The following GRIP2 variants were observed in gnomAD, a reference collection of about 807,000 sequenced individuals.
GRIP2 encodes the protein glutamate receptor interacting protein 2.
GRIP2 carries 58 observed loss-of-function variants against 108.3 expected under a neutral mutation model. That is an observed-to-expected ratio of 0.54 (90% CI 0.43 to 0.67). The LOEUF is 0.67. Among genes scored for constraint, GRIP2 ranks in the 30% least tolerant of loss-of-function variants. The probability of loss-of-function intolerance (pLI) is 0.00; values close to 1 mark genes in which losing one functional copy is unlikely to be tolerated. For missense variants in GRIP2, 1,278 were observed against 1,430.6 expected, an observed-to-expected ratio of 0.89 and a Z score of 1.72; for synonymous variants, 586 against 598.2, an observed-to-expected ratio of 0.98 and a Z score of 0.30.
At position 14,513,823 on chromosome 3, in the gene GRIP2, G is replaced by A; in HGVS notation, c.1494-13C>T. ...CAGCAGCCCACACCTGAACCCAGGGGGCCCGGCAGAGAGAAGAGGCTCCGT... is the reference window on the plus strand; with the variant it reads ...CAGCAGCCCACACCTGAACCCAGGGAGCCCGGCAGAGAGAAGAGGCTCCGT... On this transcript the variant is annotated splice_polypyrimidine_tract_variant and intron_variant, in intron 12 of 23. Transcript: ENST00000621039. 6.2e-7 allele frequency: 1 copy of A among 1,610,728 alleles called. No homozygotes were observed. The highest frequency in any genetic ancestry group is 8.5e-7 in the Non-Finnish European group (1 of 1,178,296).
intron 21 of GRIP2, among the ~76,000 whole-genome samples, chr3:14,497,210 A>G (rs1377095103): frequency 6.6e-6 from 1 of 152,018 alleles, no homozygotes; most frequent in Admixed American, 6.6e-5. Flanking sequence ...CACATGATCC[A>G]CCCACCTCAG....
chr3:14,526,169 G>C (rs896338025), intron 1 of GRIP2, among the ~76,000 whole-genome samples: 1 of 152,186 alleles, frequency 6.6e-6, no homozygotes, highest in African/African-American at 2.4e-5. Context: ...CATATTGGGA[G>C]CTTCACAGCC....
chr3:14,577,660 C>A, the GRIP2 span, among the ~76,000 whole-genome samples: 1 of 152,230 alleles, frequency 6.6e-6, no homozygotes, highest in Non-Finnish European at 1.5e-5. Context: ...GGTGTCCCAG[C>A]AGACATGGCC....
At position 14,506,961 on chromosome 3, in the gene GRIP2, C is replaced by T. The variant is rs553882994; in HGVS notation, c.2238G>A (p.Lys746=). ...CACTGGTCTCACTGAGGCTGCCCGACTTGCGGGGTAGGAGGGGACCTGGGA... is the reference window on the plus strand; with the variant it reads ...CACTGGTCTCACTGAGGCTGCCCGATTTGCGGGGTAGGAGGGGACCTGGGA... ...KQLDRPLLPR[K]SGSLSETSDA... is the part of the protein sequence containing the mutation. The change falls in exon 19 of 24, where the codon AAG becomes AAA. Residue 746 remains lysine (K), a synonymous_variant. Coordinates refer to ENST00000621039, the MANE Select transcript of GRIP2 (RefSeq NM_001080423.4). The T allele has an allele frequency of 1.8e-5, 29 of 1,605,434 alleles. 1 individual carries two copies. In the African/African-American group the frequency reaches 3.7e-4, roughly 21 times the overall value.
At chr3:14,496,642 G>C in intron 21 of GRIP2, 82 bp from the exon 22 acceptor site, 2 of 1,503,556 alleles carry the variant, frequency 1.3e-6, no homozygotes. Context: ...ACTACTATGT[G>C]CCAGCCACAA....
chr3:14,578,087 T>C, the GRIP2 span, among the ~76,000 whole-genome samples: 1 of 152,216 alleles, frequency 6.6e-6, no homozygotes, highest in African/African-American at 2.4e-5. Flanking sequence ...CTTCTCTTCC[T>C]GCCATCTCCA....
chr3:14,549,144 A>T (rs1695103262), intron 1 of GRIP2, among the ~76,000 whole-genome samples: 1 of 152,248 alleles, frequency 6.6e-6, no homozygotes, highest in African/African-American at 2.4e-5. Context: ...TGTTTGCAGA[A>T]TGAATGAATG....
Position 14,521,462 on chromosome 3 carries a change from G to T in GRIP2, c.712+180C>A, listed in dbSNP as rs1467629555. The T allele has an allele frequency of 7.8e-6, 5 of 643,596 alleles. No homozygotes were observed. Among genetic ancestry groups the T allele is most frequent in the South Asian group, 4.8e-5 (2 of 41,346 alleles). The allele number at this position is 643,596 out of a possible 1,614,324, so 39.9% of individuals were successfully genotyped here. A position where few individuals can be genotyped will look rare whatever the true frequency, so the allele number is the denominator to read the frequency against. On this transcript the variant is annotated intron_variant, in intron 7 of 23. Coordinates refer to ENST00000621039, the MANE Select transcript of GRIP2 (RefSeq NM_001080423.4). This position sits in a 1 kb window ranked among gnomAD's most constrained non-coding sequence, Gnocchi z 5.1. ...ACCTCAATTCTGTTGTTCTAGGCTG[G>T]ATCCCCAGCACATCAAACAATGCCT...
chr3:14,521,310 T>G lies in GRIP2; in HGVS notation c.712+332A>C. On this transcript the variant is annotated intron_variant, in intron 7 of 23. Coordinates refer to ENST00000621039, the MANE Select transcript of GRIP2 (RefSeq NM_001080423.4). The surrounding 1 kb of genome is among the most constrained non-coding windows in gnomAD (Gnocchi z 5.1). ...TAGTGAGAGAGCATCCCCCAGCCTGTCCCATCTCTCTCCCCTGCCTCTTTT... is the reference window on the plus strand; with the variant it reads ...TAGTGAGAGAGCATCCCCCAGCCTGGCCCATCTCTCTCCCCTGCCTCTTTT... The G allele has an allele frequency of 4.2e-6, 1 of 239,286 alleles. No individual in the cohort carries two copies. Among genetic ancestry groups the G allele is most frequent in the Non-Finnish European group, 8.0e-6 (1 of 125,366 alleles). The allele number at this position is 239,286 out of a possible 1,614,324, so 14.8% of individuals were successfully genotyped here. A position where few individuals can be genotyped will look rare whatever the true frequency, so the allele number is the denominator to read the frequency against.
the GRIP2 span, among the ~76,000 whole-genome samples, chr3:14,594,422 C>A: frequency 2.6e-5 from 4 of 152,152 alleles, no homozygotes; most frequent in Non-Finnish European, 5.9e-5. Flanking sequence ...AGGGCAGAGG[C>A]TGGGAGCAGG....
At chr3:14,550,153 A>G (rs192848758) in intron 1 of GRIP2, among the ~76,000 whole-genome samples, 67 of 152,290 alleles carry the variant, frequency 4.4e-4, no homozygotes, top group African/African-American at 1.5e-3. Context: ...CTGGCAGCTG[A>G]GCCCCCTGCG....
At chr3:14,551,501 G>T (rs1249481218) in intron 1 of GRIP2, among the ~76,000 whole-genome samples, 1 of 152,194 alleles carries the variant, frequency 6.6e-6, no homozygotes, top group Non-Finnish European at 1.5e-5. Context: ...GGATGGAGGT[G>T]ACAGCCAGGC....
chr3:14,518,892 A>G (rs756249288), intron 9 of GRIP2, among the ~76,000 whole-genome samples: 1 of 152,256 alleles, frequency 6.6e-6, no homozygotes, highest in Non-Finnish European at 1.5e-5. Context: ...GGGGAGGGTT[A>G]GAATGAGTTA....
At chr3:14,501,010 C>T (rs1201205901) in intron 21 of GRIP2, among the ~76,000 whole-genome samples, 1 of 152,130 alleles carries the variant, frequency 6.6e-6, no homozygotes, top group Admixed American at 6.5e-5. Flanking sequence ...AAGGTAAGGC[C>T]ATGGCCTTCC....
Position 14,506,788 on chromosome 3 carries a change from C to T in GRIP2, c.2398+13G>A. ...GAGAGCGTGCCACTTGTCCAAGGGC[C>T]CCAAGGTATTACCTGGGCCCCCAAA... On this transcript the variant is annotated intron_variant, in intron 19 of 23. Transcript: ENST00000621039. 1 of 1,577,050 alleles carries T rather than the reference C, an allele frequency of 6.3e-7. No individual in the cohort carries two copies. The highest frequency in any genetic ancestry group is 8.6e-7 in the Non-Finnish European group (1 of 1,160,914).
chr3:14,543,740 G>C (rs370839818), upstream of GRIP2, among the ~76,000 whole-genome samples: 41 of 152,358 alleles, frequency 2.7e-4, 1 homozygote, highest in South Asian at 5.0e-3. Context: ...TGACATGCGA[G>C]GGGGCTGAGC....
chr3:14,587,181 T>C, the GRIP2 span, among the ~76,000 whole-genome samples: 2 of 152,224 alleles, frequency 1.3e-5, no homozygotes, highest in Non-Finnish European at 2.9e-5. Flanking sequence ...CAGTTCTGTA[T>C]GGAGAAGGAG....
the GRIP2 span, chr3:14,573,647 C>T: frequency 9.3e-6 from 14 of 1,502,868 alleles, no homozygotes; most frequent in Middle Eastern, 1.7e-4. Context: ...TGACACAGTC[C>T]ATGTGGGGAA....
At chr3:14,579,214 C>A in the GRIP2 span, among the ~76,000 whole-genome samples, 1 of 152,042 alleles carries the variant, frequency 6.6e-6, no homozygotes, top group African/African-American at 2.4e-5. Flanking sequence ...TGCTGTGATT[C>A]GGTTTATATG....
Sources: gnomAD v4.1 joint callset for allele counts (sites outside exome capture counted in the v4.1 genomes callset) on GRCh38, gnomAD v4.1.1 for gene constraint, Gnocchi (gnomAD v3.1) non-coding constraint, MANE v1.5 for transcripts, NCBI Gene and HGNC (gene_info 2026-07-23, HGNC 2026-07-21) for gene names.